SPC25: variants seen among roughly 807,000 people sequenced by gnomAD.
SPC25 encodes the protein SPC25 component of NDC80 kinetochore complex.
A neutral mutation model predicts 29.6 loss-of-function variants in SPC25; 22 were observed. The observed-to-expected ratio is 0.74, with a 90% CI of 0.53 to 1.06. The LOEUF (loss-of-function observed/expected upper bound fraction) is 1.06, where lower values mean the gene tolerates loss of function less well. Ranked by LOEUF, SPC25 falls within the 50% of genes least tolerant of loss-of-function variation. The probability of loss-of-function intolerance (pLI) is 0.00; values close to 1 mark genes in which losing one functional copy is unlikely to be tolerated. For missense variants in SPC25, 230 were observed against 255.8 expected (o/e 0.90, Z 0.69); for synonymous variants, 91 against 90.4 (o/e 1.01, Z -0.04).
intron 4 of SPC25, among the ~76,000 whole-genome samples, chr2:168,864,458 G>A (rs1689723151): frequency 6.6e-6 from 1 of 151,352 alleles, no homozygotes; most frequent in African/African-American, 2.4e-5. Context: ...GCTAATTTTT[G>A]TATTTTTAGC....
intron 2 of SPC25, 35 bp from the exon 3 acceptor site, chr2:168,889,326 A>AT (rs775141267): frequency 1.2e-5 from 20 of 1,613,570 alleles, no homozygotes; most frequent in Non-Finnish European, 1.7e-5. Flanking sequence ...TTCAGCTGCA[A>AT]TAACACTAAA....
intron 4 of SPC25, among the ~76,000 whole-genome samples, chr2:168,864,061 G>A (rs914968164): frequency 6.6e-6 from 1 of 151,410 alleles, no homozygotes; most frequent in Non-Finnish European, 1.5e-5. Flanking sequence ...TCCGTCTCCT[G>A]GATTCAAGTG....
chr2:168,884,004 C>T (rs113298921), intron 3 of SPC25, among the ~76,000 whole-genome samples: 1,792 of 152,150 alleles, frequency 0.012, 36 homozygotes, highest in African/African-American at 0.04. Flanking sequence ...CTTTTGACCT[C>T]GTGATCCGCC....
intron 4 of SPC25, chr2:168,862,056 ATCATTCTCAAATATTT>A: frequency 1.2e-6 from 2 of 1,612,038 alleles, no homozygotes; most frequent in Non-Finnish European, 1.7e-6. Context: ...AAGGGTAAGA[ATCATTCTCAAATATTT>A]TAATTGCCTT....
downstream of SPC25, among the ~76,000 whole-genome samples, chr2:168,867,112 A>C (rs552635947): frequency 5.3e-5 from 8 of 152,304 alleles, no homozygotes; most frequent in Admixed American, 4.6e-4. Context: ...TGACCCAGCC[A>C]TCCCATTACT....
chr2:168,871,322 T>C lies in SPC25; in HGVS notation c.*109A>G. ...ATACATATGTAACAAACCTGCACAT[T>C]GTGCACATGTACCCTAAAACTTAAA... On this transcript the variant is annotated 3_prime_UTR_variant, in exon 7 of 7. Transcript: ENST00000282074. 2.8e-6 allele frequency: 3 copies of C among 1,085,362 alleles called. No homozygotes were observed. Among genetic ancestry groups the C allele is most frequent in the Non-Finnish European group, 3.9e-6 (3 of 778,594 alleles). The allele number at this position is 1,085,362 out of a possible 1,614,324, so 67.2% of individuals were successfully genotyped here.
At chr2:168,865,058 T>C (rs963243019) in intron 4 of SPC25, 10 of 1,433,620 alleles carry the variant, frequency 7.0e-6, no homozygotes, top group African/African-American at 5.7e-5. Context: ...TACCTTTACA[T>C]GTTTTTCTTT....
chr2:168,868,448 T>C (rs1240366939), downstream of SPC25, among the ~76,000 whole-genome samples: 1 of 152,008 alleles, frequency 6.6e-6, no homozygotes, highest in Non-Finnish European at 1.5e-5. Context: ...ACAAAATTGA[T>C]AGACAGCTAG....
chr2:168,889,046 CACATATATATACATATATATAT>C (rs1690338700), intron 3 of SPC25, among the ~76,000 whole-genome samples, 158 bp downstream of exon 3: 1 of 98,104 alleles, frequency 1.0e-5, no homozygotes. Flanking sequence ...TATATATATA[CACATATATATACATATATATAT>C]ACACATATAT....
downstream of SPC25, among the ~76,000 whole-genome samples, chr2:168,868,913 T>C (rs1323824565): frequency 2.0e-5 from 3 of 152,078 alleles, no homozygotes; most frequent in Non-Finnish European, 4.4e-5. Context: ...AAAAAGAGAA[T>C]TTTAGACCAA....
At position 168,872,564 on chromosome 2, in the gene SPC25, G is replaced by A. The variant is rs527931748; in HGVS notation, c.551-1009C>T. On this transcript the variant is annotated intron_variant, in intron 6 of 6. Transcript: ENST00000282074. ...CTTGTACAGATTGCTTAGGAAACAA[G>A]GTCCATGACCACAGCAGAGAAACAA... 1.4e-4 allele frequency among the ~76,000 whole-genome samples: 21 copies of A among 152,206 alleles called. No homozygotes were observed. In the East Asian group the frequency reaches 3.9e-3, roughly 28 times the overall value.
downstream of SPC25, among the ~76,000 whole-genome samples, chr2:168,868,637 T>C (rs199639512): frequency 2.6e-5 from 4 of 151,882 alleles, no homozygotes; most frequent in South Asian, 2.1e-4. Flanking sequence ...ACACATACAC[T>C]CTCCCAAGAC....
intron 1 of SPC25, 135 bp downstream of exon 1, chr2:168,890,183 C>A (rs1297573160): frequency 1.2e-5 from 4 of 321,972 alleles, no homozygotes; most frequent in African/African-American, 9.0e-5. Flanking sequence ...CCCCACCAGG[C>A]TGTGAGGCCC....
chr2:168,864,962 A>G, intron 4 of SPC25: 4 of 1,614,046 alleles, frequency 2.5e-6, no homozygotes, highest in Non-Finnish European at 3.4e-6. Flanking sequence ...CACAGCTACA[A>G]AGGCATAAAA....
intron 3 of SPC25, among the ~76,000 whole-genome samples, chr2:168,882,407 C>G (rs1454751922): frequency 6.6e-6 from 1 of 152,200 alleles, no homozygotes; most frequent in Non-Finnish European, 1.5e-5. Flanking sequence ...GAGATCGAGA[C>G]CATCCTGGCC....
chr2:168,865,170 A>T, intron 4 of SPC25: 1 of 597,816 alleles, frequency 1.7e-6, no homozygotes, highest in Admixed American at 3.2e-5. Context: ...ACAGACAAGG[A>T]AGAGGCTCCT....
At chr2:168,868,096 G>A (rs1689902344), downstream of SPC25, among the ~76,000 whole-genome samples, 1 of 152,156 alleles carries the variant, frequency 6.6e-6, no homozygotes, top group Non-Finnish European at 1.5e-5. Flanking sequence ...ACCTGCTCCT[G>A]AATGACTACT....
chr2:168,889,358 C>G, intron 2 of SPC25, 29 bp downstream of exon 2: 1 of 1,613,658 alleles, frequency 6.2e-7, no homozygotes, highest in South Asian at 1.1e-5. Flanking sequence ...AACAGCAAAA[C>G]CAGCATGTTA....
chr2:168,889,220 A>G lies in SPC25; in HGVS notation c.199+6T>C. On this transcript the variant is annotated splice_donor_region_variant and intron_variant, in intron 3 of 6. Transcript: ENST00000282074. ...AAAACCCCATGATTTATACTTTTTC[A>G]CATACGATTTTGATATTCCAGAAAC... 6.2e-7 allele frequency: 1 copy of G among 1,609,804 alleles called. No homozygotes were observed. The highest frequency in any genetic ancestry group is 8.5e-7 in the Non-Finnish European group (1 of 1,178,496).
Sources: allele counts gnomAD v4.1 joint callset (sites outside exome capture counted in the v4.1 genomes callset), GRCh38; gene constraint gnomAD v4.1.1; transcripts MANE v1.5; gene names NCBI Gene and HGNC (gene_info 2026-07-23, HGNC 2026-07-21).